The following HGF variants were observed in gnomAD, a reference collection of about 807,000 sequenced individuals.
The protein encoded by HGF is fibroblast-derived tumor cytotoxic factor.
A neutral mutation model predicts 111.6 loss-of-function variants in HGF; 39 were observed. That is an observed-to-expected ratio of 0.35 (90% confidence interval 0.27 to 0.46). The LOEUF is 0.46. HGF is among the 20% of genes least tolerant of loss of function. The pLI, the probability that HGF is intolerant of heterozygous loss-of-function variation, is 1.00. For missense variants in HGF, 735 were observed against 910.5 expected (o/e 0.81, Z 2.48); for synonymous variants, 285 against 294.8 (o/e 0.97, Z 0.34).
intron 7 of HGF, among the ~76,000 whole-genome samples, chr7:81,732,288 A>G (rs1328372555): frequency 6.6e-6 from 1 of 152,192 alleles, no homozygotes; most frequent in Non-Finnish European, 1.5e-5. Context: ...AATGAATATA[A>G]TATTCAGATA....
chr7:81,707,030 A>G (rs1387534550), intron 14 of HGF, among the ~76,000 whole-genome samples: 1 of 152,080 alleles, frequency 6.6e-6, no homozygotes, highest in Non-Finnish European at 1.5e-5. Flanking sequence ...GTTGGGATAT[A>G]AAACATTTAC....
intron 11 of HGF, 77 bp downstream of exon 11, chr7:81,717,155 A>G: frequency 7.0e-7 from 1 of 1,438,448 alleles, no homozygotes; most frequent in Non-Finnish European, 9.8e-7. Context: ...CAGACCACCT[A>G]TATTATTTAC....
At position 81,701,291 on chromosome 7, in the gene HGF, A is replaced by G. The variant is rs1789273229; in HGVS notation, c.*1290T>C. 6.6e-6 allele frequency: 1 copy of G among 151,584 alleles called. No individual in the cohort carries two copies. The highest frequency in any genetic ancestry group is 1.5e-5 in the Non-Finnish European group (1 of 67,634). 9.4% of individuals were successfully genotyped at this position (151,584 alleles called of 1,614,324 possible). A position where few individuals can be genotyped will look rare whatever the true frequency, so the allele number is the denominator to read the frequency against. ...TTCCACTCTACTTCAAAAAAAAAAT[A>G]AATGAATACAGAGTTGAGACAAACT... On this transcript the variant is annotated 3_prime_UTR_variant, in exon 18 of 18. Coordinates refer to ENST00000222390, the MANE Select transcript of HGF (RefSeq NM_000601.6).
intron 9 of HGF, among the ~76,000 whole-genome samples, chr7:81,724,919 C>G (rs1273874463): frequency 2.0e-5 from 3 of 152,152 alleles, no homozygotes; most frequent in Admixed American, 6.5e-5. Flanking sequence ...CTCCCTGAGG[C>G]AGTTATCTTC....
chr7:81,761,269 G>A (rs1469601234), intron 2 of HGF, among the ~76,000 whole-genome samples: 2 of 152,162 alleles, frequency 1.3e-5, no homozygotes, highest in African/African-American at 4.8e-5. Flanking sequence ...GAATATACTT[G>A]CAAAGTCAAT....
chr7:81,725,794 C>T (rs1160427122), intron 9 of HGF, 96 bp downstream of exon 9: 1 of 1,374,214 alleles, frequency 7.3e-7, no homozygotes, highest in South Asian at 1.2e-5. Flanking sequence ...AAAACCAGTG[C>T]AGCAAGAAGT....
At chr7:81,752,569 T>G (rs907067319) in intron 4 of HGF, among the ~76,000 whole-genome samples, 1 of 152,078 alleles carries the variant, frequency 6.6e-6, no homozygotes, top group African/African-American at 2.4e-5. Flanking sequence ...AAAGCTCCAC[T>G]AAAAGATAGC....
intron 5 of HGF, chr7:81,750,979 G>A (rs1320482431): frequency 1.0e-6 from 1 of 959,798 alleles, no homozygotes; most frequent in Non-Finnish European, 1.2e-6. Flanking sequence ...GATATGGAAT[G>A]GAAAGTAAGA....
chr7:81,733,033 G>A (rs776024259), intron 7 of HGF, among the ~76,000 whole-genome samples: 8 of 152,072 alleles, frequency 5.3e-5, no homozygotes, highest in African/African-American at 1.7e-4. Context: ...TTTAAAAATA[G>A]CAATGATATA....
chr7:81,735,928 C>T (rs1331902751), intron 7 of HGF, among the ~76,000 whole-genome samples: 4 of 151,982 alleles, frequency 2.6e-5, no homozygotes, highest in Non-Finnish European at 5.9e-5. Context: ...GCCTCCGATC[C>T]TACCAGATTA....
chr7:81,722,828 A>AG lies in HGF; in HGVS notation c.1169-1982_1169-1981insC, dbSNP rs1252690658. Among the ~76,000 whole-genome samples, 220 of 138,856 alleles carry AG rather than the reference A, an allele frequency of 1.6e-3. 2 individuals carry two copies. The highest frequency in any genetic ancestry group is 5.0e-3 in the African/African-American group (153 of 30,442). 91.1% of individuals were successfully genotyped at this position (138,856 alleles called of 152,430 possible). A position where few individuals can be genotyped will look rare whatever the true frequency, so the allele number is the denominator to read the frequency against. ...GATTCTGTCTCAAAAAAAAAAAAAA[A>AG]AAAGAAATTTAAAAAGGTATATATA... On this transcript the variant is annotated intron_variant, in intron 9 of 17. Coordinates refer to ENST00000222390, the MANE Select transcript of HGF (RefSeq NM_000601.6).
intron 14 of HGF, among the ~76,000 whole-genome samples, chr7:81,706,656 A>G (rs1420899345): frequency 1.5e-4 from 23 of 152,046 alleles, no homozygotes; most frequent in Admixed American, 1.5e-3. Flanking sequence ...ACTATTTTAG[A>G]AACTTGCTTA....
chr7:81,733,709 A>T (rs948728346), intron 7 of HGF, among the ~76,000 whole-genome samples: 31 of 152,190 alleles, frequency 2.0e-4, no homozygotes, highest in Non-Finnish European at 7.4e-5. Flanking sequence ...AATAGTTTTC[A>T]TCAATAAATA....
At chr7:81,711,732 C>G (rs1452818713) in intron 11 of HGF, among the ~76,000 whole-genome samples, 2 of 152,162 alleles carry the variant, frequency 1.3e-5, no homozygotes, top group Non-Finnish European at 2.9e-5. Flanking sequence ...CAACCTCCCC[C>G]TCTCAGGTTC....
At position 81,769,869 on chromosome 7, in the gene HGF, A is replaced by G. The variant is rs750950354; in HGVS notation, c.88+15T>C. The stretch of plus-strand genomic sequence containing the variant: ...AATACTAATACTAATAATGAAGAAG[A>G]AGAAGGGAACTAACCTGCATAGGGG... On this transcript the variant is annotated intron_variant, in intron 1 of 17. Coordinates refer to ENST00000222390, the MANE Select transcript of HGF (RefSeq NM_000601.6). 1 of 1,543,760 alleles carries G rather than the reference A, an allele frequency of 6.5e-7. No individual in the cohort carries two copies. Among genetic ancestry groups the G allele is most frequent in the Admixed American group, 1.9e-5 (1 of 51,828 alleles).
intron 5 of HGF, among the ~76,000 whole-genome samples, chr7:81,749,227 ATGTAT>A (rs1283406848): frequency 1.3e-5 from 2 of 152,134 alleles, no homozygotes; most frequent in Non-Finnish European, 1.5e-5. Context: ...GGGATTTTAA[ATGTAT>A]TGTATTTTTT....
chr7:81,767,746 C>A (rs138996204), intron 1 of HGF, among the ~76,000 whole-genome samples: 4 of 152,216 alleles, frequency 2.6e-5, no homozygotes, highest in East Asian at 1.9e-4. Context: ...GTATATACTT[C>A]TTTCCTAACA....
At chr7:81,721,083 T>A (rs1402103118) in intron 9 of HGF, among the ~76,000 whole-genome samples, 1 of 150,232 alleles carries the variant, frequency 6.7e-6, no homozygotes, top group Admixed American at 6.6e-5. Context: ...GTCTCTACTT[T>A]AAAAATACAA....
intron 5 of HGF, among the ~76,000 whole-genome samples, chr7:81,749,811 T>C (rs562737075): frequency 2.6e-5 from 4 of 152,156 alleles, no homozygotes; most frequent in Admixed American, 2.0e-4. Context: ...ATTCTTTTAA[T>C]TTTAAACAAA....
Sources: allele counts gnomAD v4.1 joint callset (sites outside exome capture counted in the v4.1 genomes callset), GRCh38; gene constraint gnomAD v4.1.1; transcripts MANE v1.5; gene names NCBI Gene and HGNC (gene_info 2026-07-23, HGNC 2026-07-21).